The following PRKAG2 variants were observed in gnomAD, a reference collection of about 807,000 sequenced individuals.
The protein encoded by PRKAG2 is 5'-AMP-activated protein kinase subunit gamma-2.
In PRKAG2, 26 loss-of-function variants were observed where a neutral mutation model predicts 69.6. The ratio of observed to expected loss-of-function variants is 0.37; its 90% CI spans 0.27 to 0.52. The LOEUF is 0.52. Ranked by LOEUF, PRKAG2 falls within the 20% of genes least tolerant of loss-of-function variation. PRKAG2 has a pLI of 0.90. For synonymous variants in PRKAG2, 293 were observed against 285.0 expected (o/e 1.03, Z -0.28); for missense variants, 557 against 740.0 (o/e 0.75, Z 2.87).
intron 4 of PRKAG2, among the ~76,000 whole-genome samples, chr7:151,664,645 T>G (rs1197439256): frequency 6.6e-6 from 1 of 152,224 alleles, no homozygotes; most frequent in East Asian, 1.9e-4. Flanking sequence ...TACACATATT[T>G]AAGGTCTACT....
intron 6 of PRKAG2, among the ~76,000 whole-genome samples, chr7:151,592,932 C>G (rs1813582410): frequency 6.6e-6 from 1 of 152,208 alleles, no homozygotes; most frequent in South Asian, 2.1e-4. Context: ...AAACAACTCT[C>G]TCCCCCTATT....
chr7:151,716,405 G>A (rs1473046259), intron 3 of PRKAG2, among the ~76,000 whole-genome samples: 7 of 152,142 alleles, frequency 4.6e-5, no homozygotes, highest in African/African-American at 9.7e-5. Flanking sequence ...AGAGAAGCAG[G>A]GGCTGGGCAG....
At chr7:151,643,883 A>G (rs1376239249) in intron 4 of PRKAG2, among the ~76,000 whole-genome samples, 1 of 152,270 alleles carries the variant, frequency 6.6e-6, no homozygotes, top group Non-Finnish European at 1.5e-5. Flanking sequence ...CAATTATACG[A>G]TGGAATACTA....
intron 3 of PRKAG2, among the ~76,000 whole-genome samples, chr7:151,725,758 C>A (rs1797836820): frequency 6.6e-6 from 1 of 151,998 alleles, no homozygotes; most frequent in South Asian, 2.1e-4. Flanking sequence ...CACCCGGGGC[C>A]CCCAGGGCTG....
chr7:151,772,910 G>A (rs1442070806), intron 3 of PRKAG2, among the ~76,000 whole-genome samples: 1 of 151,332 alleles, frequency 6.6e-6, no homozygotes, highest in East Asian at 1.9e-4. Flanking sequence ...GCTTGAGCCT[G>A]GGAAGTTGAG....
At chr7:151,577,561 A>C (rs527935792) in intron 6 of PRKAG2, among the ~76,000 whole-genome samples, 1 of 152,348 alleles carries the variant, frequency 6.6e-6, no homozygotes, top group South Asian at 2.1e-4. Context: ...AACACTGAGA[A>C]AATATTTTTT....
At chr7:151,585,221 C>G (rs1189078091) in intron 6 of PRKAG2, among the ~76,000 whole-genome samples, 1 of 152,168 alleles carries the variant, frequency 6.6e-6, no homozygotes, top group East Asian at 1.9e-4. Flanking sequence ...TTATAGAATT[C>G]TAGACATAGC....
chr7:151,629,161 A>G (rs928741053), intron 5 of PRKAG2, among the ~76,000 whole-genome samples: 1 of 152,148 alleles, frequency 6.6e-6, no homozygotes, highest in Non-Finnish European at 1.5e-5. Context: ...TACAAGGGCA[A>G]ATTGAGTGGT....
chr7:151,566,992 T>C (rs1056195327), intron 11 of PRKAG2, among the ~76,000 whole-genome samples: 4 of 152,278 alleles, frequency 2.6e-5, no homozygotes, highest in African/African-American at 9.6e-5. Context: ...AGAGGCAACT[T>C]CCTCTCCTTT....
intron 9 of PRKAG2, among the ~76,000 whole-genome samples, chr7:151,571,956 C>G (rs774854571): frequency 6.6e-6 from 1 of 152,186 alleles, no homozygotes; most frequent in Non-Finnish European, 1.5e-5. Flanking sequence ...CCTTGAGCAC[C>G]CTCCAAAGGC....
chr7:151,668,098 C>T (rs1358212910), intron 4 of PRKAG2, among the ~76,000 whole-genome samples: 1 of 152,200 alleles, frequency 6.6e-6, no homozygotes, highest in Non-Finnish European at 1.5e-5. Flanking sequence ...GGGGGCAGGT[C>T]CCTCATGAAT....
chr7:151,736,340 G>T, intron 3 of PRKAG2: 1 of 1,085,110 alleles, frequency 9.2e-7, no homozygotes, highest in Non-Finnish European at 1.1e-6. Context: ...CAGGGGATTT[G>T]TTGATGTAGT....
rs1377401968 is a variant in PRKAG2, at chr7:151,632,348, G to C, written c.685-210C>G. 3.4e-6 allele frequency: 2 copies of C among 593,958 alleles called. No homozygotes were observed. The highest frequency in any genetic ancestry group is 4.2e-6 in the Non-Finnish European group (2 of 474,954). The allele number at this position is 593,958 out of a possible 1,614,324, so 36.8% of individuals were successfully genotyped here. A position where few individuals can be genotyped will look rare whatever the true frequency, so the allele number is the denominator to read the frequency against. Reference sequence around the variant, plus strand: ...CCGCCGCCGCCGCCGCAGGTGGCGCGGCCGCGGCCCGCGTGCCCCTCCGCG... The same window carrying C: ...CCGCCGCCGCCGCCGCAGGTGGCGCCGCCGCGGCCCGCGTGCCCCTCCGCG... On this transcript the variant is annotated intron_variant, in intron 4 of 15. Coordinates refer to ENST00000287878, the MANE Select transcript of PRKAG2 (RefSeq NM_016203.4). The surrounding 1 kb of genome is among the most constrained non-coding windows in gnomAD (Gnocchi z 4.2).
At chr7:151,557,404 G>A (rs982780986) in intron 15 of PRKAG2, 172 bp from the exon 16 acceptor site, 14 of 985,256 alleles carry the variant, frequency 1.4e-5, no homozygotes, top group Non-Finnish European at 1.6e-5. Context: ...CCACCCAATC[G>A]TTCGGGCAGC....
At chr7:151,575,393 G>A (rs1013268036) in intron 7 of PRKAG2, among the ~76,000 whole-genome samples, 3 of 152,146 alleles carry the variant, frequency 2.0e-5, no homozygotes, top group Non-Finnish European at 2.9e-5. Context: ...TGCTTTTGAC[G>A]TGCTAGACAC....
intron 4 of PRKAG2, among the ~76,000 whole-genome samples, chr7:151,674,417 G>A (rs534375445): frequency 2.7e-4 from 41 of 152,316 alleles, no homozygotes; most frequent in African/African-American, 9.9e-4. Context: ...CGACACTAAT[G>A]TGACAACTGA....
intron 14 of PRKAG2, among the ~76,000 whole-genome samples, chr7:151,562,109 G>C (rs1463359911): frequency 1.4e-5 from 2 of 146,290 alleles, no homozygotes; most frequent in Admixed American, 1.4e-4. Context: ...GCTGGGCGTG[G>C]TGGTGCATTC....
intron 3 of PRKAG2, among the ~76,000 whole-genome samples, chr7:151,750,096 CAAAAA>C (rs35915808): frequency 1.6e-5 from 1 of 63,022 alleles, no homozygotes. Flanking sequence ...GACTCCATCT[CAAAAA>C]AAAAAAAAAA....
intron 3 of PRKAG2, among the ~76,000 whole-genome samples, chr7:151,725,710 G>A (rs991123656): frequency 6.6e-6 from 1 of 152,146 alleles, no homozygotes; most frequent in Non-Finnish European, 1.5e-5. Flanking sequence ...CCAGACAGGA[G>A]AAGACAGATA....
Sources: gnomAD v4.1 joint callset for allele counts (sites outside exome capture counted in the v4.1 genomes callset) on GRCh38, gnomAD v4.1.1 for gene constraint, Gnocchi (gnomAD v3.1) non-coding constraint, MANE v1.5 for transcripts, NCBI Gene and HGNC (gene_info 2026-07-23, HGNC 2026-07-21) for gene names.